Variants in XRRA1 observed in about 807,000 individuals in gnomAD.
XRRA1 encodes X-ray radiation resistance-associated protein 1.
In XRRA1, 69 loss-of-function variants were observed where a neutral mutation model predicts 80.2. The observed-to-expected ratio is 0.86, with a 90% CI of 0.71 to 1.05. The LOEUF (loss-of-function observed/expected upper bound fraction) is 1.05, where lower values mean the gene tolerates loss of function less well. XRRA1 is among the 50% of genes least tolerant of loss of function. XRRA1 has a pLI of 0.00. For synonymous variants in XRRA1, 348 were observed against 389.9 expected, an observed-to-expected ratio of 0.89 and a Z score of 1.27; for missense variants, 967 against 976.4, an observed-to-expected ratio of 0.99 and a Z score of 0.13.
chr11:74,860,931 T>C (rs2042175122), intron 11 of XRRA1, among the ~76,000 whole-genome samples: 1 of 152,224 alleles, frequency 6.6e-6, no homozygotes, highest in African/African-American at 2.4e-5. Flanking sequence ...AGGCTGGCCA[T>C]GCCAGAAAGA....
chr11:74,916,040 TAA>T (rs906565867), intron 8 of XRRA1, among the ~76,000 whole-genome samples: 55 of 152,320 alleles, frequency 3.6e-4, no homozygotes, highest in African/African-American at 1.2e-3. Flanking sequence ...AGTCTGCTGA[TAA>T]TCTTATTGAA....
intron 10 of XRRA1, among the ~76,000 whole-genome samples, chr11:74,889,680 A>G (rs899320248): frequency 6.6e-6 from 1 of 151,976 alleles, no homozygotes; most frequent in African/African-American, 2.4e-5. Context: ...AGAGACACAC[A>G]TAGGCTCAAA....
intron 11 of XRRA1, among the ~76,000 whole-genome samples, chr11:74,861,321 A>G (rs1017897030): frequency 8.5e-5 from 13 of 152,202 alleles, no homozygotes; most frequent in Non-Finnish European, 2.9e-5. Context: ...CATCATCTGT[A>G]TTTACAGCCA....
intron 11 of XRRA1, among the ~76,000 whole-genome samples, chr11:74,859,922 T>C (rs767932645): frequency 1.1e-4 from 16 of 151,976 alleles, no homozygotes; most frequent in Non-Finnish European, 1.8e-4. Context: ...TTCAACATAT[T>C]TGATCAAGCA....
At chr11:74,946,984 C>T (rs1163338091) in intron 1 of XRRA1, among the ~76,000 whole-genome samples, 1 of 152,032 alleles carries the variant, frequency 6.6e-6, no homozygotes, top group Admixed American at 6.5e-5. Flanking sequence ...ATCTCCTGAC[C>T]TCGTGATCCG....
chr11:74,918,352 A>G (rs1591400899), intron 8 of XRRA1, among the ~76,000 whole-genome samples: 1 of 151,808 alleles, frequency 6.6e-6, no homozygotes, highest in African/African-American at 2.4e-5. Context: ...TTAAACTGCT[A>G]GTGGTGACTG....
chr11:74,949,054 C>T lies in XRRA1; in HGVS notation c.-199G>A. ...CCACTGCGGTGCCTGCCGCTATCTTCCCCACGCCTTAGTAACTGCGACGCG... is the reference window on the plus strand; with the variant it reads ...CCACTGCGGTGCCTGCCGCTATCTTTCCCACGCCTTAGTAACTGCGACGCG... On this transcript the variant is annotated 5_prime_UTR_variant, in exon 1 of 19. Transcript: ENST00000684022. 2.3e-6 allele frequency: 1 copy of T among 437,654 alleles called. No individual in the cohort carries two copies. Among genetic ancestry groups the T allele is most frequent in the Non-Finnish European group, 4.1e-6 (1 of 242,408 alleles). 27.1% of individuals were successfully genotyped at this position (437,654 alleles called of 1,614,324 possible).
chr11:74,865,262 C>T (rs2043149136), intron 10 of XRRA1, among the ~76,000 whole-genome samples: 1 of 152,170 alleles, frequency 6.6e-6, no homozygotes, highest in Non-Finnish European at 1.5e-5. Context: ...GGCTCTCCAG[C>T]CTCTACCTCA....
intron 10 of XRRA1, among the ~76,000 whole-genome samples, chr11:74,894,015 G>T (rs2051548227): frequency 6.6e-6 from 1 of 152,184 alleles, no homozygotes; most frequent in South Asian, 2.1e-4. Flanking sequence ...ATCAATGGTA[G>T]ACTGGATGAA....
chr11:74,913,919 T>G (rs1176420659), intron 8 of XRRA1: 1 of 152,230 alleles, frequency 6.6e-6, no homozygotes, highest in Non-Finnish European at 1.5e-5. Context: ...CTTATTTATC[T>G]TACACTACTT....
intron 12 of XRRA1, among the ~76,000 whole-genome samples, chr11:74,853,230 G>A (rs2040317488): frequency 6.6e-6 from 1 of 152,224 alleles, no homozygotes; most frequent in Admixed American, 6.5e-5. Flanking sequence ...CCTAGTCAGA[G>A]AGGTAAAAGG....
At chr11:74,943,099 G>C (rs771818964) in intron 2 of XRRA1, among the ~76,000 whole-genome samples, 2 of 152,190 alleles carry the variant, frequency 1.3e-5, no homozygotes, top group African/African-American at 4.8e-5. Flanking sequence ...AGAATAAAAA[G>C]AGCACAAAAG....
chr11:74,943,516 A>G (rs1946767538), intron 2 of XRRA1, among the ~76,000 whole-genome samples: 1 of 89,878 alleles, frequency 1.1e-5, no homozygotes, highest in South Asian at 3.0e-4. Context: ...AGGGGAAGAG[A>G]GTAGGAGGGT....
intron 18 of XRRA1, 48 bp from the exon 19 acceptor site, chr11:74,843,501 A>G (rs1461513253): frequency 6.3e-7 from 1 of 1,579,950 alleles, no homozygotes; most frequent in Non-Finnish European, 8.6e-7. Flanking sequence ...CCTGGTTCTC[A>G]CCTAGCCAGA....
At chr11:74,876,149 G>C (rs1434679074) in intron 10 of XRRA1, 1 of 152,150 alleles carries the variant, frequency 6.6e-6, no homozygotes, top group Non-Finnish European at 1.5e-5. Flanking sequence ...ATGGCCCCTT[G>C]CTTAAGACAG....
chr11:74,882,393 T>C (rs985589703), intron 10 of XRRA1, among the ~76,000 whole-genome samples: 9 of 151,486 alleles, frequency 5.9e-5, no homozygotes, highest in African/African-American at 1.9e-4. Flanking sequence ...GTATTGGTTA[T>C]TCTAGTTATA....
At chr11:74,941,159 T>C (rs1294317308) in intron 2 of XRRA1, among the ~76,000 whole-genome samples, 1 of 152,236 alleles carries the variant, frequency 6.6e-6, no homozygotes, top group Middle Eastern at 3.2e-3. Context: ...GTTTGAATCC[T>C]GGCTCTGTCT....
chr11:74,859,199 G>A lies in XRRA1; in HGVS notation c.1129C>T (p.Pro377Ser), dbSNP rs911690429. ...LKARNQTLAP[P>S]FPELRYLSLA... ...CTAAGGTATCTCAGCTCTGGGAAGGGTGGGGCCAGCGTCTGGTTCCTGGCC... is the reference window on the plus strand; with the variant it reads ...CTAAGGTATCTCAGCTCTGGGAAGGATGGGGCCAGCGTCTGGTTCCTGGCC... Residue 377 changes from proline to serine, a missense_variant, in exon 12 of 19, where the codon CCC becomes TCC. Transcript: ENST00000684022. 6.2e-7 allele frequency: 1 copy of A among 1,609,706 alleles called. No homozygotes were observed. The highest frequency in any genetic ancestry group is 8.5e-7 in the Non-Finnish European group (1 of 1,178,306).
chr11:74,851,087 C>T lies in XRRA1; in HGVS notation c.1380+1G>A. On this transcript the variant is annotated splice_donor_variant, in intron 14 of 18. Transcript: ENST00000684022. LOFTEE classifies it high-confidence loss of function. The stretch of plus-strand genomic sequence containing the variant: ...TGGGAGTCCTGCCTTGGAAGCCCTA[C>T]CTTCCATGATTCCTTCCGAGACATC... 6.2e-7 allele frequency: 1 copy of T among 1,606,240 alleles called. No homozygotes were observed. Among genetic ancestry groups the T allele is most frequent in the Non-Finnish European group, 8.5e-7 (1 of 1,175,276 alleles).
Sources: allele counts gnomAD v4.1 joint callset (sites outside exome capture counted in the v4.1 genomes callset), GRCh38; gene constraint gnomAD v4.1.1; transcripts MANE v1.5; gene names NCBI Gene and HGNC (gene_info 2026-07-23, HGNC 2026-07-21).